Variants in LPP observed in about 807,000 individuals in gnomAD.
LPP encodes the protein LIM domain containing preferred translocation partner in lipoma.
A neutral mutation model predicts 60.4 loss-of-function variants in LPP; 38 were observed. The ratio of observed to expected loss-of-function variants is 0.63; its 90% CI spans 0.49 to 0.83. LPP has a LOEUF of 0.83. Among genes scored for constraint, LPP ranks in the 40% least tolerant of loss-of-function variants. The probability of loss-of-function intolerance (pLI) is 0.00; values close to 1 mark genes in which losing one functional copy is unlikely to be tolerated. For synonymous variants in LPP, 328 were observed against 290.8 expected, an observed-to-expected ratio of 1.13 and a Z score of -1.30; for missense variants, 902 against 783.6, an observed-to-expected ratio of 1.15 and a Z score of -1.80.
chr3:188,631,135 G>A (rs1230185553), intron 7 of LPP, among the ~76,000 whole-genome samples: 1 of 151,962 alleles, frequency 6.6e-6, no homozygotes, highest in Non-Finnish European at 1.5e-5. Context: ...ACAACTTACT[G>A]ATGTAACAAA....
chr3:188,680,466 G>T (rs1859234959), intron 7 of LPP, among the ~76,000 whole-genome samples: 2 of 151,974 alleles, frequency 1.3e-5, no homozygotes, highest in Non-Finnish European at 2.9e-5. Context: ...TAATAAGAAG[G>T]GTATTTGAAA....
At chr3:188,176,325 AT>A (rs1280509316) in intron 1 of LPP, among the ~76,000 whole-genome samples, 1 of 152,110 alleles carries the variant, frequency 6.6e-6, no homozygotes, top group African/African-American at 2.4e-5. Context: ...AAAAAAATAA[AT>A]AAATAAATTT....
intron 8 of LPP, among the ~76,000 whole-genome samples, chr3:188,754,293 A>G (rs1332890609): frequency 1.3e-5 from 2 of 152,238 alleles, no homozygotes; most frequent in Non-Finnish European, 1.5e-5. Context: ...CTGCTCATGT[A>G]TATTTTCAAT....
chr3:188,840,605 C>T (rs796131720), intron 9 of LPP, among the ~76,000 whole-genome samples: 1 of 152,138 alleles, frequency 6.6e-6, no homozygotes, highest in African/African-American at 2.4e-5. Context: ...CTCAAGTGAT[C>T]CTTCCACCTC....
At chr3:188,731,785 G>T (rs932965273) in intron 8 of LPP, among the ~76,000 whole-genome samples, 1 of 152,134 alleles carries the variant, frequency 6.6e-6, no homozygotes, top group Non-Finnish European at 1.5e-5. Flanking sequence ...GCCTCCAAAA[G>T]TGCTAGGATT....
chr3:188,765,297 AACACACACACACACACACACAC>A (rs60149759), intron 9 of LPP, among the ~76,000 whole-genome samples: 1 of 143,962 alleles, frequency 6.9e-6, no homozygotes, highest in Non-Finnish European at 1.5e-5. Context: ...TGTCTCACAC[AACACACACACACACACACACAC>A]ACACACACAC....
rs575572234 is a variant in LPP at position 188,247,163 on chromosome 3, C to T, written c.-67+21636C>T. 7 of 984,856 alleles carry T rather than the reference C, an allele frequency of 7.1e-6. No homozygotes were observed. In the African/African-American group the frequency reaches 1.2e-4, roughly 17 times the overall value. 61.0% of individuals were successfully genotyped at this position (984,856 alleles called of 1,614,324 possible). ...TTTCGGCATGAAGGCAAGGAACTGTCCAGAAGACCTCTGGAGAATTCTTCT... is the reference window on the plus strand; with the variant it reads ...TTTCGGCATGAAGGCAAGGAACTGTTCAGAAGACCTCTGGAGAATTCTTCT... On this transcript the variant is annotated intron_variant, in intron 2 of 11. Coordinates refer to ENST00000617246, the MANE Select transcript of LPP (RefSeq NM_001375462.1).
chr3:188,791,880 G>C (rs1252534326), intron 9 of LPP, among the ~76,000 whole-genome samples: 1 of 152,074 alleles, frequency 6.6e-6, no homozygotes, highest in Admixed American at 6.5e-5. Flanking sequence ...ATTCCTTGAG[G>C]ACAGGGAAAG....
At chr3:188,529,957 C>G (rs1033683837) in intron 6 of LPP, among the ~76,000 whole-genome samples, 2 of 152,160 alleles carry the variant, frequency 1.3e-5, no homozygotes, top group African/African-American at 4.8e-5. Flanking sequence ...TACCTTATAC[C>G]TTTCAGTGTC....
intron 2 of LPP, among the ~76,000 whole-genome samples, chr3:188,337,404 T>G (rs983951401): frequency 3.9e-5 from 6 of 152,176 alleles, no homozygotes; most frequent in African/African-American, 1.4e-4. Flanking sequence ...TGAGACTCCA[T>G]GGGTGAGGTC....
At chr3:188,307,497 T>C (rs964574328) in intron 2 of LPP, among the ~76,000 whole-genome samples, 4 of 152,204 alleles carry the variant, frequency 2.6e-5, no homozygotes, top group Admixed American at 2.0e-4. Flanking sequence ...TCTCCTGTAC[T>C]CTATTTTATT....
rs1560628871 is a variant in LPP, at chr3:188,607,409, AT to A, written c.430-1751del. Among the ~76,000 whole-genome samples the A allele has an allele frequency of 9.7e-3, 387 of 39,708 alleles. 11 individuals carry two copies. The highest frequency in any genetic ancestry group is 0.02 in the Non-Finnish European group (210 of 10,638). The allele number at this position is 39,708 out of a possible 152,430, so 26.0% of individuals were successfully genotyped here. A position where few individuals can be genotyped will look rare whatever the true frequency, so the allele number is the denominator to read the frequency against. On this transcript the variant is annotated intron_variant, in intron 6 of 11. Transcript: ENST00000617246. The stretch of plus-strand genomic sequence containing the variant: ...TATATATATATATATATATATATAT[AT>A]ATATATAATTTTTTTTTCCTTTGCA...
intron 9 of LPP, among the ~76,000 whole-genome samples, chr3:188,787,613 C>A (rs898845430): frequency 5.3e-5 from 8 of 152,168 alleles, no homozygotes; most frequent in Non-Finnish European, 8.8e-5. Flanking sequence ...GCTCTTGCAG[C>A]ATTTAAAGAT....
chr3:188,203,594 AAT>A (rs1732254539), intron 1 of LPP, among the ~76,000 whole-genome samples: 1 of 106,524 alleles, frequency 9.4e-6, no homozygotes, highest in African/African-American at 3.7e-5. Context: ...TATATATTTA[AAT>A]ATATATAAAT....
rs896093427 is a variant in LPP, at chr3:188,462,006, A to C, written c.194-22586A>C. ...GATATTTACCAAATTTTAATCCAAA[A>C]GTTACCAAATTATACTTGCATTAGT... On this transcript the variant is annotated intron_variant, in intron 4 of 11. Coordinates refer to ENST00000617246, the MANE Select transcript of LPP (RefSeq NM_001375462.1). Among the ~76,000 whole-genome samples, 5 of 152,252 alleles carry C rather than the reference A, an allele frequency of 3.3e-5. No individual in the cohort carries two copies. The East Asian group carries it at 9.6e-4, about 29-fold the overall frequency.
chr3:188,793,689 C>G (rs552579148), intron 9 of LPP, among the ~76,000 whole-genome samples: 2 of 152,058 alleles, frequency 1.3e-5, no homozygotes, highest in South Asian at 2.1e-4. Flanking sequence ...AAATGGGCAA[C>G]TTTTCTAGCC....
chr3:188,510,320 G>A (rs73054748), intron 5 of LPP, among the ~76,000 whole-genome samples: 9,070 of 151,948 alleles, frequency 0.06, 754 homozygotes, highest in East Asian at 0.23. Context: ...AAATGTGTAC[G>A]TGCTCCAATA....
In LPP at chr3:188,656,414, A is replaced by G. The variant is rs535150506; in HGVS notation, c.1113+46570A>G. 2.6e-5 allele frequency among the ~76,000 whole-genome samples: 4 copies of G among 152,274 alleles called. No homozygotes were observed. In the South Asian group the frequency reaches 8.3e-4, roughly 32 times the overall value. ...AGTTGATCTTCAAAGCCGTGAAGCA[A>G]TCGCAAACTGTTTGAGATCCCAAAT... On this transcript the variant is annotated intron_variant, in intron 7 of 11. Coordinates refer to ENST00000617246, the MANE Select transcript of LPP (RefSeq NM_001375462.1).
chr3:188,862,440 G>T lies in LPP; in HGVS notation c.1411-3760G>T, dbSNP rs56087484. On this transcript the variant is annotated intron_variant, in intron 9 of 11. Coordinates refer to ENST00000617246, the MANE Select transcript of LPP (RefSeq NM_001375462.1). ...AAGATTTAGGAAAGATTTTTCAGAA[G>T]AGGTGACATTTGAGTTTCACTTTGA... 8.5e-3 allele frequency among the ~76,000 whole-genome samples: 1,289 copies of T among 152,194 alleles called. 15 individuals carry two copies. The highest frequency in any genetic ancestry group is 0.029 in the African/African-American group (1,220 of 41,524).
Sources: allele counts gnomAD v4.1 joint callset (sites outside exome capture counted in the v4.1 genomes callset), GRCh38; gene constraint gnomAD v4.1.1; transcripts MANE v1.5; gene names NCBI Gene and HGNC (gene_info 2026-07-23, HGNC 2026-07-21).